Variants in TSPAN9 observed in about 807,000 individuals in gnomAD.
TSPAN9 encodes tetraspanin-9.
In TSPAN9, 16 loss-of-function variants were observed where a neutral mutation model predicts 31.0. The observed-to-expected ratio is 0.52, with a 90% CI of 0.35 to 0.78. TSPAN9 has a LOEUF of 0.78. Among genes scored for constraint, TSPAN9 ranks in the 30% least tolerant of loss-of-function variants. The probability of loss-of-function intolerance (pLI) is 0.01; values close to 1 mark genes in which losing one functional copy is unlikely to be tolerated. For synonymous variants in TSPAN9, 145 were observed against 121.6 expected, an observed-to-expected ratio of 1.19 and a Z score of -1.27; for missense variants, 272 against 312.5, an observed-to-expected ratio of 0.87 and a Z score of 0.98.
chr12:3,247,967 G>A (rs573633116), intron 3 of TSPAN9, among the ~76,000 whole-genome samples: 23 of 152,290 alleles, frequency 1.5e-4, no homozygotes, highest in Admixed American at 5.2e-4. Flanking sequence ...GAAGCGCAGC[G>A]GGGCATGGAG....
At chr12:3,092,084 AGCAACTGCTTTTGGCC>A (rs2098305044) in intron 2 of TSPAN9, among the ~76,000 whole-genome samples, 1 of 152,264 alleles carries the variant, frequency 6.6e-6, no homozygotes, top group African/African-American at 2.4e-5. Flanking sequence ...AAGAAACCTC[AGCAACTGCTTTTGGCC>A]ATAGAATTGG....
At chr12:3,189,640 G>T (rs148450435) in intron 2 of TSPAN9, among the ~76,000 whole-genome samples, 3 of 152,294 alleles carry the variant, frequency 2.0e-5, no homozygotes, top group Admixed American at 1.3e-4. Context: ...TGGCTGATTC[G>T]AGGGTGTGAG....
At chr12:3,201,751 C>T (rs1591673914) in intron 3 of TSPAN9, among the ~76,000 whole-genome samples, 1 of 152,318 alleles carries the variant, frequency 6.6e-6, no homozygotes, top group East Asian at 1.9e-4. Flanking sequence ...GTAGAGGCCA[C>T]ATGTTCCCAC....
chr12:3,208,323 AG>A (rs1215236485), intron 3 of TSPAN9, among the ~76,000 whole-genome samples: 4 of 152,020 alleles, frequency 2.6e-5, no homozygotes, highest in South Asian at 2.1e-4. Flanking sequence ...TGGGAGGGCC[AG>A]GGGGGTTTCT....
Position 3,147,795 on chromosome 12 carries a change from C to T in TSPAN9, c.-17-53382C>T, listed in dbSNP as rs1283530777. On this transcript the variant is annotated intron_variant, in intron 2 of 8. Coordinates refer to ENST00000011898, the MANE Select transcript of TSPAN9 (RefSeq NM_006675.5). The surrounding 1 kb of genome is among the most constrained non-coding windows in gnomAD (Gnocchi z 4.3). ...GTTCTAGACCAGTAGTTTTCACCTG[C>T]AGTGTTGGCTCACACTGGTGGGTGC... Among the ~76,000 whole-genome samples the T allele has an allele frequency of 6.6e-6, 1 of 152,218 alleles. No homozygotes were observed. The highest frequency in any genetic ancestry group is 6.5e-5 in the Admixed American group (1 of 15,288).
At chr12:3,163,002 G>A (rs747126408) in intron 2 of TSPAN9, among the ~76,000 whole-genome samples, 10 of 152,220 alleles carry the variant, frequency 6.6e-5, no homozygotes, top group Admixed American at 2.6e-4. Flanking sequence ...AGTCATTGGC[G>A]AATCTCCCCA....
intron 3 of TSPAN9, among the ~76,000 whole-genome samples, chr12:3,219,124 G>A (rs959217288): frequency 1.3e-4 from 20 of 152,250 alleles, no homozygotes; most frequent in South Asian, 6.2e-4. Flanking sequence ...GAGGCCGGAC[G>A]GTGTAGTGGC....
intron 2 of TSPAN9, among the ~76,000 whole-genome samples, chr12:3,111,640 C>A (rs10848800): frequency 0.34 from 48,413 of 144,030 alleles, 8,099 homozygotes; most frequent in Middle Eastern, 0.47. Flanking sequence ...CAGAGACAGA[C>A]TCTCACTCTG....
Position 3,187,268 on chromosome 12 carries a change from T to C in TSPAN9, c.-17-13909T>C, listed in dbSNP as rs1193789477. Among the ~76,000 whole-genome samples, 1 of 152,158 alleles carries C rather than the reference T, an allele frequency of 6.6e-6. No homozygotes were observed. Among genetic ancestry groups the C allele is most frequent in the Non-Finnish European group, 1.5e-5 (1 of 68,024 alleles). ...CGGGGCAGTGGTGTGTTTTCCAGGA[T>C]TGGCAGGGCTTGTCCTTTGGTGTTG... On this transcript the variant is annotated intron_variant, in intron 2 of 8. Transcript: ENST00000011898. This position sits in a 1 kb window ranked among gnomAD's most constrained non-coding sequence, Gnocchi z 5.2.
intron 3 of TSPAN9, among the ~76,000 whole-genome samples, chr12:3,240,675 T>C (rs1202919856): frequency 6.6e-6 from 1 of 152,188 alleles, no homozygotes; most frequent in Non-Finnish European, 1.5e-5. Context: ...GCTGTCTGGC[T>C]TCAAATCTAT....
At chr12:3,111,605 CTTTT>C (rs59487749) in intron 2 of TSPAN9, among the ~76,000 whole-genome samples, 2 of 136,124 alleles carry the variant, frequency 1.5e-5, no homozygotes, top group South Asian at 4.7e-4. Context: ...CGTGCATTAC[CTTTT>C]TTTTTTTTTT....
At chr12:3,118,384 C>T (rs548471255) in intron 2 of TSPAN9, among the ~76,000 whole-genome samples, 1 of 150,102 alleles carries the variant, frequency 6.7e-6, no homozygotes, top group Non-Finnish European at 1.5e-5. Flanking sequence ...GCCTCCGCCT[C>T]CCGAGTAGCT....
At chr12:3,131,240 T>C (rs941250934) in intron 2 of TSPAN9, among the ~76,000 whole-genome samples, 1 of 131,394 alleles carries the variant, frequency 7.6e-6, no homozygotes, top group African/African-American at 2.5e-5. Context: ...GTGGTGTTAA[T>C]TGCAGTTTTT....
chr12:3,156,565 G>T (rs1291617993), intron 2 of TSPAN9, among the ~76,000 whole-genome samples: 2 of 151,386 alleles, frequency 1.3e-5, no homozygotes, highest in African/African-American at 4.9e-5. Flanking sequence ...GCAGTGGCAT[G>T]ATCTCGGCTC....
chr12:3,109,295 T>TGAGA (rs1157489756), intron 2 of TSPAN9, among the ~76,000 whole-genome samples: 3 of 114,968 alleles, frequency 2.6e-5, no homozygotes, highest in African/African-American at 1.3e-4. Flanking sequence ...TGTGTGTGTG[T>TGAGA]GTGTGAGAGA....
At chr12:3,276,702 G>C (rs1433487871) in intron 3 of TSPAN9, among the ~76,000 whole-genome samples, 2 of 152,180 alleles carry the variant, frequency 1.3e-5, no homozygotes, top group African/African-American at 4.8e-5. Flanking sequence ...GTCATTTGTT[G>C]CTTACATAAG....
chr12:3,243,929 CCTTT>C (rs2098397967), intron 3 of TSPAN9, among the ~76,000 whole-genome samples: 1 of 152,212 alleles, frequency 6.6e-6, no homozygotes, highest in Non-Finnish European at 1.5e-5. Context: ...CTCCACATGC[CCTTT>C]AGTTCTGCAT....
intron 3 of TSPAN9, among the ~76,000 whole-genome samples, chr12:3,207,112 G>C (rs193085475): frequency 2.0e-3 from 305 of 152,224 alleles, no homozygotes; most frequent in African/African-American, 6.6e-3. Flanking sequence ...TTCGGAGTGG[G>C]TTCCGAAGTA....
intron 2 of TSPAN9, among the ~76,000 whole-genome samples, chr12:3,089,630 G>C (rs975716551): frequency 6.6e-6 from 1 of 151,962 alleles, no homozygotes; most frequent in Admixed American, 6.6e-5. Flanking sequence ...CATCCTTTTG[G>C]CTGGGTGTGG....
Sources: allele counts gnomAD v4.1 joint callset (sites outside exome capture counted in the v4.1 genomes callset), GRCh38; gene constraint gnomAD v4.1.1; non-coding constraint Gnocchi (gnomAD v3.1); transcripts MANE v1.5; gene names NCBI Gene and HGNC (gene_info 2026-07-23, HGNC 2026-07-21).